The following PRKCA variants were observed in gnomAD, a reference collection of about 807,000 sequenced individuals.
The protein encoded by PRKCA is protein kinase C alpha type.
PRKCA carries 27 observed loss-of-function variants against 87.0 expected under a neutral mutation model. That is an observed-to-expected ratio of 0.31 (90% CI 0.23 to 0.43). The LOEUF is 0.43. Ranked by LOEUF, PRKCA falls within the 20% of genes least tolerant of loss-of-function variation. The pLI is 1.00. For missense variants in PRKCA, 518 were observed against 852.3 expected (o/e 0.61, Z 4.88); for synonymous variants, 329 against 311.1 (o/e 1.06, Z -0.61).
chr17:66,564,792 C>T (rs1014969137), intron 3 of PRKCA, among the ~76,000 whole-genome samples: 1 of 152,020 alleles, frequency 6.6e-6, no homozygotes, highest in Non-Finnish European at 1.5e-5. Flanking sequence ...CCAGCCTGGC[C>T]AAGATGGTGA....
rs56095570 is a variant in PRKCA, at chr17:66,808,611, G to C, written c.*4574G>C. Reference sequence around the variant, plus strand: ...AAAGGGTGTGATCATGAGAGTTACCGGGACAGCAGTAGGCATGACAGTCAC... The same window carrying C: ...AAAGGGTGTGATCATGAGAGTTACCCGGACAGCAGTAGGCATGACAGTCAC... On this transcript the variant is annotated 3_prime_UTR_variant, in exon 17 of 17. Transcript: ENST00000413366. The C allele has an allele frequency of 2.0e-5, 3 of 152,232 alleles. No homozygotes were observed. Among genetic ancestry groups the C allele is most frequent in the Admixed American group, 6.5e-5 (1 of 15,268 alleles). 9.4% of individuals were successfully genotyped at this position (152,232 alleles called of 1,614,324 possible).
At chr17:66,377,694 CTA>C (rs1567797768) in intron 2 of PRKCA, among the ~76,000 whole-genome samples, 2 of 77,058 alleles carry the variant, frequency 2.6e-5, no homozygotes, top group East Asian at 3.8e-4. Flanking sequence ...TATATAAAGT[CTA>C]TGTTTTATAT....
intron 10 of PRKCA, 55 bp from the exon 11 acceptor site, chr17:66,738,708 AG>A: frequency 1.4e-6 from 2 of 1,422,374 alleles, no homozygotes; most frequent in Middle Eastern, 1.8e-4. Flanking sequence ...TGAAGAGCAA[AG>A]GAAGCCACTT....
At chr17:66,442,841 C>G (rs1187110216) in intron 2 of PRKCA, among the ~76,000 whole-genome samples, 1 of 152,204 alleles carries the variant, frequency 6.6e-6, no homozygotes, top group Non-Finnish European at 1.5e-5. Context: ...ACACACTTTT[C>G]TCTCTTTTGA....
chr17:66,585,069 G>T (rs907259590), intron 3 of PRKCA, among the ~76,000 whole-genome samples: 11 of 151,920 alleles, frequency 7.2e-5, no homozygotes, highest in South Asian at 2.1e-4. Flanking sequence ...CATGGGGAGG[G>T]GGGGGTGGTG....
chr17:66,639,691 C>A (rs957529412), intron 3 of PRKCA, among the ~76,000 whole-genome samples: 3 of 151,404 alleles, frequency 2.0e-5, no homozygotes, highest in Non-Finnish European at 4.4e-5. Context: ...CCTGGCCTAC[C>A]TTTATATATT....
rs145037545 is a variant in PRKCA, at chr17:66,649,012, G to A, written c.529+3501G>A. Among the ~76,000 whole-genome samples the A allele has an allele frequency of 5.6e-3, 846 of 151,870 alleles. 11 individuals carry two copies. Among genetic ancestry groups the A allele is most frequent in the African/African-American group, 0.019 (801 of 41,374 alleles). On this transcript the variant is annotated intron_variant, in intron 5 of 16. Coordinates refer to ENST00000413366, the MANE Select transcript of PRKCA (RefSeq NM_002737.3). ...AGGAGGAGGCTGAGGCAGGATAATC[G>A]GTTGAACCCAGGAGGTGGAGGTTGC...
intron 5 of PRKCA, among the ~76,000 whole-genome samples, chr17:66,675,709 G>A (rs1972310294): frequency 1.3e-5 from 2 of 152,112 alleles, no homozygotes; most frequent in African/African-American, 4.8e-5. Context: ...ATCTGTATGC[G>A]TCAGGAGTGA....
chr17:66,612,381 CAAAA>C (rs1200272317), intron 3 of PRKCA, among the ~76,000 whole-genome samples: 3 of 87,856 alleles, frequency 3.4e-5, no homozygotes, highest in Admixed American at 1.3e-4. Flanking sequence ...AAATCTGTCT[CAAAA>C]AAAAAAAAAA....
At chr17:66,367,502 G>A (rs1326118633) in intron 2 of PRKCA, among the ~76,000 whole-genome samples, 3 of 152,324 alleles carry the variant, frequency 2.0e-5, no homozygotes, top group African/African-American at 4.8e-5. Flanking sequence ...AGTCTTAGAC[G>A]TTTGGAACTC....
chr17:66,389,486 A>G (rs1381658868), intron 2 of PRKCA, among the ~76,000 whole-genome samples: 1 of 152,212 alleles, frequency 6.6e-6, no homozygotes, highest in Non-Finnish European at 1.5e-5. Flanking sequence ...ATCGTAAGGA[A>G]TGGAGAGACT....
At chr17:66,799,433 GTGGTGA>G (rs1288535805) in intron 16 of PRKCA, among the ~76,000 whole-genome samples, 1 of 7,336 alleles carries the variant, frequency 1.4e-4, no homozygotes, top group Non-Finnish European at 3.5e-4. Flanking sequence ...GATGGTGGTG[GTGGTGA>G]TGGTGGTGGT....
chr17:66,759,125 C>T (rs1344340157), intron 13 of PRKCA, among the ~76,000 whole-genome samples: 9 of 151,844 alleles, frequency 5.9e-5, no homozygotes, highest in South Asian at 2.1e-4. Flanking sequence ...GAGGCCGAGG[C>T]GGGCGGATTA....
intron 2 of PRKCA, among the ~76,000 whole-genome samples, chr17:66,399,100 C>CTTTTCTTTTCTTTTTT (rs1555598364): frequency 3.4e-5 from 4 of 117,262 alleles, no homozygotes; most frequent in Admixed American, 9.7e-5. Flanking sequence ...CTTTTCTTTT[C>CTTTTCTTTTCTTTTTT]TTTTTTTTTT....
intron 16 of PRKCA, among the ~76,000 whole-genome samples, chr17:66,799,810 T>A (rs780525419): frequency 2.3e-4 from 35 of 151,982 alleles, no homozygotes; most frequent in Non-Finnish European, 4.6e-4. Flanking sequence ...CTAAGAGCTG[T>A]GGAAGGCTCA....
chr17:66,689,164 T>C lies in PRKCA; in HGVS notation c.918+117T>C. On this transcript the variant is annotated intron_variant, in intron 8 of 16. Transcript: ENST00000413366. The surrounding 1 kb of genome is among the most constrained non-coding windows in gnomAD (Gnocchi z 4.1). ...AAAAAAAAAGTAATCTCAATGTTAA[T>C]GATCTTTTTCTTTATTTAAAAACAT... 1.6e-6 allele frequency: 1 copy of C among 607,306 alleles called. No homozygotes were observed. The highest frequency in any genetic ancestry group is 2.8e-6 in the Non-Finnish European group (1 of 353,398). The allele number at this position is 607,306 out of a possible 1,614,324, so 37.6% of individuals were successfully genotyped here.
At chr17:66,463,178 A>G (rs1951049333) in intron 2 of PRKCA, among the ~76,000 whole-genome samples, 1 of 152,132 alleles carries the variant, frequency 6.6e-6, no homozygotes, top group Non-Finnish European at 1.5e-5. Flanking sequence ...CATGTGCACC[A>G]GAAACTGCTG....
At chr17:66,630,833 G>A (rs1263092088) in intron 3 of PRKCA, among the ~76,000 whole-genome samples, 1 of 152,106 alleles carries the variant, frequency 6.6e-6, no homozygotes, top group Non-Finnish European at 1.5e-5. Context: ...CCATCCTGTG[G>A]CTCTTTACCA....
At chr17:66,612,795 T>C (rs991114850) in intron 3 of PRKCA, among the ~76,000 whole-genome samples, 3 of 152,210 alleles carry the variant, frequency 2.0e-5, no homozygotes, top group Admixed American at 6.5e-5. Flanking sequence ...ATTTGTGGTA[T>C]TGTGAATTTT....
Sources: allele counts gnomAD v4.1 joint callset (sites outside exome capture counted in the v4.1 genomes callset), GRCh38; gene constraint gnomAD v4.1.1; non-coding constraint Gnocchi (gnomAD v3.1); transcripts MANE v1.5; gene names NCBI Gene and HGNC (gene_info 2026-07-23, HGNC 2026-07-21).